LPIN1: variants seen among roughly 807,000 people sequenced by gnomAD.
LPIN1 encodes phosphatidate phosphatase LPIN1.
In LPIN1, 71 loss-of-function variants were observed where a neutral mutation model predicts 107.5. The observed-to-expected ratio is 0.66, with a 90% CI of 0.55 to 0.80. LPIN1 has a LOEUF of 0.80. Ranked by LOEUF, LPIN1 falls within the 30% of genes least tolerant of loss-of-function variation. The pLI, the probability that LPIN1 is intolerant of heterozygous loss-of-function variation, is 0.00. For synonymous variants in LPIN1, 445 were observed against 452.6 expected (o/e 0.98, Z 0.21); for missense variants, 1,043 against 1,160.6 (o/e 0.90, Z 1.47).
chr2:11,713,888 T>G, intron 2 of LPIN1: 1 of 1,084,374 alleles, frequency 9.2e-7, no homozygotes, highest in Non-Finnish European at 1.3e-6. Flanking sequence ...CATGTCCAGC[T>G]GTGGTTTGTC....
chr2:11,721,024 T>C (rs565980593), upstream of LPIN1, among the ~76,000 whole-genome samples: 1 of 152,178 alleles, frequency 6.6e-6, no homozygotes, highest in East Asian at 1.9e-4. Context: ...TGATTCCTTA[T>C]CTAGACTGTG....
intron 4 of LPIN1, among the ~76,000 whole-genome samples, chr2:11,772,928 C>T (rs1328038200): frequency 1.1e-5 from 1 of 88,570 alleles, no homozygotes; most frequent in Non-Finnish European, 2.2e-5. Context: ...TTCCCAACTA[C>T]AGCCTCTATC....
intron 20 of LPIN1, among the ~76,000 whole-genome samples, chr2:11,824,404 C>T (rs2148743632): frequency 6.6e-6 from 1 of 151,814 alleles, no homozygotes; most frequent in East Asian, 2.0e-4. Context: ...AGTCAGGTCC[C>T]ACCCACCTCT....
chr2:11,799,964 G>A (rs1677400293), intron 14 of LPIN1, among the ~76,000 whole-genome samples: 1 of 152,150 alleles, frequency 6.6e-6, no homozygotes, highest in Non-Finnish European at 1.5e-5. Context: ...CCATCCACGT[G>A]TAGCTTAGCT....
At chr2:11,804,660 C>T in intron 16 of LPIN1, 89 bp downstream of exon 16, 1 of 1,385,028 alleles carries the variant, frequency 7.2e-7, no homozygotes, top group Non-Finnish European at 1.0e-6. Flanking sequence ...CTGCTCTCCT[C>T]ATGGGACTTG....
At position 11,795,528 on chromosome 2, in the gene LPIN1, C is replaced by T. The variant is rs114555944; in HGVS notation, c.1886+41C>T. ...TCTTGGGATGTTTGCAGCCCCTTTC[C>T]GCATCCAAGTTCATGGCGTGTGCTG... On this transcript the variant is annotated intron_variant, in intron 14 of 20. Coordinates refer to ENST00000674199, the MANE Select transcript of LPIN1 (RefSeq NM_001349206.2). The T allele has an allele frequency of 1.4e-4, 220 of 1,554,222 alleles. 1 individual carries two copies. In the African/African-American group the frequency reaches 1.9e-3, roughly 13 times the overall value.
At chr2:11,712,094 G>A (rs973321443) in intron 1 of LPIN1, among the ~76,000 whole-genome samples, 7 of 152,226 alleles carry the variant, frequency 4.6e-5, no homozygotes, top group African/African-American at 1.2e-4. Context: ...CGAGGCCTTC[G>A]CCATGCCGGC....
At chr2:11,764,121 A>G (rs1670395020) in intron 1 of LPIN1, 1 of 116,444 alleles carries the variant, frequency 8.6e-6, no homozygotes, top group Non-Finnish European at 1.8e-5. Flanking sequence ...CACACACACA[A>G]CGACTAAAAT....
intron 1 of LPIN1, among the ~76,000 whole-genome samples, chr2:11,759,133 T>TTTTA (rs1669145030): frequency 7.6e-6 from 1 of 131,534 alleles, no homozygotes; most frequent in Admixed American, 7.6e-5. Context: ...GCTTTCTTTC[T>TTTTA]TTTCTTTCTT....
intron 12 of LPIN1, among the ~76,000 whole-genome samples, chr2:11,791,363 A>G (rs975030400): frequency 6.6e-6 from 1 of 152,202 alleles, no homozygotes. Context: ...TAATCTCCCC[A>G]TTAAACCCAT....
intron 20 of LPIN1, among the ~76,000 whole-genome samples, chr2:11,823,547 T>G (rs1681928348): frequency 6.6e-6 from 1 of 152,144 alleles, no homozygotes; most frequent in Non-Finnish European, 1.5e-5. Flanking sequence ...AGTACATTAT[T>G]TTATACCTCA....
chr2:11,752,696 G>T (rs1668043747), intron 1 of LPIN1, among the ~76,000 whole-genome samples: 1 of 151,966 alleles, frequency 6.6e-6, no homozygotes, highest in African/African-American at 2.4e-5. Flanking sequence ...CTCCCAAAGT[G>T]CTGGGATTAC....
In LPIN1 at chr2:11,824,884, G is replaced by T; in HGVS notation, c.*93G>T. On this transcript the variant is annotated 3_prime_UTR_variant, in exon 21 of 21. Coordinates refer to ENST00000674199, the MANE Select transcript of LPIN1 (RefSeq NM_001349206.2). ...CCGGAGTGCACAGCTCCACCTGGGA[G>T]CCTGGCGCGTCATCATTGGCCTGAC... 7.0e-7 allele frequency: 1 copy of T among 1,433,012 alleles called. No homozygotes were observed. 88.8% of individuals were successfully genotyped at this position (1,433,012 alleles called of 1,614,324 possible).
chr2:11,767,911 T>C, intron 3 of LPIN1, 53 bp downstream of exon 3: 2 of 1,117,970 alleles, frequency 1.8e-6, no homozygotes, highest in Non-Finnish European at 2.7e-6. Flanking sequence ...CTTTGAGTAA[T>C]GGTTATCTGG....
chr2:11,703,255 A>G (rs1222967443), intron 1 of LPIN1, among the ~76,000 whole-genome samples: 1 of 152,144 alleles, frequency 6.6e-6, no homozygotes, highest in Non-Finnish European at 1.5e-5. Flanking sequence ...AACCCATGAG[A>G]AATCCTCTGG....
chr2:11,824,532 C>T (rs1157751834), intron 20 of LPIN1, 100 bp from the exon 21 acceptor site: 1 of 1,173,098 alleles, frequency 8.5e-7, no homozygotes, highest in Non-Finnish European at 1.3e-6. Flanking sequence ...AGTAGGCGGT[C>T]TGCTCCTTGA....
At chr2:11,747,429 T>C (rs1667133846) in intron 1 of LPIN1, among the ~76,000 whole-genome samples, 1 of 152,232 alleles carries the variant, frequency 6.6e-6, no homozygotes, top group Admixed American at 6.5e-5. Context: ...GTGTGGTCAG[T>C]AGTTGCTGGA....
upstream of LPIN1, chr2:11,745,438 G>A (rs1479125328): frequency 6.6e-6 from 1 of 152,306 alleles, no homozygotes; most frequent in Non-Finnish European, 1.5e-5. Context: ...ACCAGGCGTG[G>A]TGGTTCACAC....
chr2:11,803,692 T>C lies in LPIN1; in HGVS notation c.2013+659T>C, dbSNP rs1426471985. ...GAGGCCCAGACACCCACTCAGGCCATGTGTGGGACCCTGCAGCCTGGGGGT... is the reference window on the plus strand; with the variant it reads ...GAGGCCCAGACACCCACTCAGGCCACGTGTGGGACCCTGCAGCCTGGGGGT... On this transcript the variant is annotated intron_variant, in intron 15 of 20. Coordinates refer to ENST00000674199, the MANE Select transcript of LPIN1 (RefSeq NM_001349206.2). The surrounding 1 kb of genome is among the most constrained non-coding windows in gnomAD (Gnocchi z 4.2). Among the ~76,000 whole-genome samples, 2 of 152,072 alleles carry C rather than the reference T, an allele frequency of 1.3e-5. No homozygotes were observed. The highest frequency in any genetic ancestry group is 4.8e-5 in the African/African-American group (2 of 41,400).
Sources: allele counts gnomAD v4.1 joint callset (sites outside exome capture counted in the v4.1 genomes callset), GRCh38; gene constraint gnomAD v4.1.1; non-coding constraint Gnocchi (gnomAD v3.1); transcripts MANE v1.5; gene names NCBI Gene and HGNC (gene_info 2026-07-23, HGNC 2026-07-21).